SLC8A1: variants seen among roughly 807,000 people sequenced by gnomAD.
SLC8A1 encodes the protein solute carrier family 8 member A1, also known as sodium/calcium exchanger 1.
A neutral mutation model predicts 68.3 loss-of-function variants in SLC8A1; 18 were observed. The ratio of observed to expected loss-of-function variants is 0.26; its 90% CI spans 0.18 to 0.39. The LOEUF is 0.39. SLC8A1 is among the 10% of genes least tolerant of loss of function. SLC8A1 has a pLI of 1.00. For missense variants in SLC8A1, 985 were observed against 1,156.7 expected, an observed-to-expected ratio of 0.85 and a Z score of 2.15; for synonymous variants, 475 against 415.5, an observed-to-expected ratio of 1.14 and a Z score of -1.74.
intron 1 of SLC8A1, among the ~76,000 whole-genome samples, chr2:40,460,520 A>G (rs1042106173): frequency 6.6e-6 from 1 of 151,062 alleles, no homozygotes; most frequent in Non-Finnish European, 1.5e-5. Flanking sequence ...TGAATTAGAC[A>G]CTCTCCATGG....
At chr2:40,477,552 G>A (rs754398397) in intron 1 of SLC8A1, among the ~76,000 whole-genome samples, 5 of 152,136 alleles carry the variant, frequency 3.3e-5, no homozygotes, top group Admixed American at 2.0e-4. Context: ...GATGTTTTGC[G>A]GAAGGAAGAC....
At chr2:40,407,184 G>C (rs983800664) in intron 2 of SLC8A1, among the ~76,000 whole-genome samples, 2 of 152,136 alleles carry the variant, frequency 1.3e-5, no homozygotes, top group Admixed American at 1.3e-4. Flanking sequence ...CTCCTGCTCA[G>C]CCTCCTGAGT....
intron 2 of SLC8A1, among the ~76,000 whole-genome samples, chr2:40,331,563 T>A (rs2076410126): frequency 6.6e-6 from 1 of 152,110 alleles, no homozygotes; most frequent in Non-Finnish European, 1.5e-5. Flanking sequence ...TATTTTTCAT[T>A]AGGGTGGCTT....
chr2:40,470,137 G>A (rs1237712775), intron 1 of SLC8A1, among the ~76,000 whole-genome samples: 2 of 151,862 alleles, frequency 1.3e-5, no homozygotes, highest in Non-Finnish European at 1.5e-5. Flanking sequence ...ATTTTCTCTG[G>A]AACTAATCCA....
intron 2 of SLC8A1, among the ~76,000 whole-genome samples, chr2:40,391,755 C>A (rs190872073): frequency 3.9e-5 from 6 of 151,994 alleles, no homozygotes; most frequent in East Asian, 3.9e-4. Context: ...AAACCAAATA[C>A]CTTCACGTGT....
At chr2:40,293,327 A>G (rs2069685693) in intron 2 of SLC8A1, among the ~76,000 whole-genome samples, 1 of 152,214 alleles carries the variant, frequency 6.6e-6, no homozygotes, top group African/African-American at 2.4e-5. Flanking sequence ...TTGTCATATT[A>G]AAGAATTTTA....
chr2:40,412,280 T>C (rs1424072069), intron 2 of SLC8A1, among the ~76,000 whole-genome samples: 1 of 152,140 alleles, frequency 6.6e-6, no homozygotes, highest in East Asian at 1.9e-4. Flanking sequence ...TGATGGTGTA[T>C]TAAGTGTACT....
chr2:40,367,199 A>C (rs1016033659), intron 2 of SLC8A1, among the ~76,000 whole-genome samples: 1 of 151,994 alleles, frequency 6.6e-6, no homozygotes, highest in African/African-American at 2.4e-5. Context: ...ACTCTTGCTT[A>C]ATCAGGCAGA....
At chr2:40,261,457 G>A (rs1186365667) in intron 2 of SLC8A1, among the ~76,000 whole-genome samples, 3 of 152,212 alleles carry the variant, frequency 2.0e-5, no homozygotes, top group South Asian at 2.1e-4. Context: ...TTCTACTGAG[G>A]TTGAAAATCT....
intron 2 of SLC8A1, among the ~76,000 whole-genome samples, chr2:40,332,314 G>C (rs2076496277): frequency 6.6e-6 from 1 of 151,788 alleles, no homozygotes; most frequent in Admixed American, 6.6e-5. Flanking sequence ...TTCATTAAGT[G>C]GCTTTGAACT....
At chr2:40,350,409 A>C (rs1196251773) in intron 2 of SLC8A1, among the ~76,000 whole-genome samples, 1 of 152,012 alleles carries the variant, frequency 6.6e-6, no homozygotes, top group African/African-American at 2.4e-5. Flanking sequence ...TGAGCACAGA[A>C]GGTTGACGCT....
intron 2 of SLC8A1, among the ~76,000 whole-genome samples, chr2:40,295,554 C>T (rs911057456): frequency 1.3e-5 from 2 of 152,000 alleles, no homozygotes; most frequent in Non-Finnish European, 2.9e-5. Flanking sequence ...TCCTGAAATT[C>T]ATTTTACTTA....
intron 2 of SLC8A1, among the ~76,000 whole-genome samples, chr2:40,415,829 C>A (rs1480827216): frequency 6.7e-6 from 1 of 148,874 alleles, no homozygotes; most frequent in Non-Finnish European, 1.5e-5. Flanking sequence ...GGGTGGCCAA[C>A]ATGGTGAAAC....
intron 5 of SLC8A1, among the ~76,000 whole-genome samples, chr2:40,162,849 A>G (rs566732387): frequency 1.8e-3 from 267 of 152,292 alleles, no homozygotes; most frequent in Non-Finnish European, 3.1e-3. Context: ...ACCATAGTAA[A>G]TAAGAACTCA....
At chr2:40,108,162 A>G (rs1355794468) in exon 8 of SLC8A1, 3 of 152,222 alleles carry the variant, frequency 2.0e-5, no homozygotes, top group African/African-American at 7.2e-5. Context: ...GTGAAGTTGT[A>G]AAATTTAGAA....
intron 2 of SLC8A1, among the ~76,000 whole-genome samples, chr2:40,331,948 A>G (rs1312811789): frequency 6.6e-6 from 1 of 151,754 alleles, no homozygotes; most frequent in Non-Finnish European, 1.5e-5. Context: ...CCATGTATTT[A>G]TTTATTTTCA....
chr2:40,414,267 C>T (rs1432556366), intron 2 of SLC8A1, among the ~76,000 whole-genome samples: 1 of 152,150 alleles, frequency 6.6e-6, no homozygotes, highest in African/African-American at 2.4e-5. Context: ...TGTTGAGATT[C>T]TGGCCACAAA....
rs118090503 is a variant in SLC8A1, at chr2:40,258,430, T to C, written c.1809-80575A>G. ...CAGATTGGTCCTAAAGCTTGAAATA[T>C]GATCTCCTGCACCAAGGCTCCTACC... is the stretch of plus-strand genomic sequence containing the variant. On this transcript the variant is annotated intron_variant, in intron 2 of 7. Coordinates refer to ENST00000406785, the Ensembl canonical transcript of SLC8A1. 1.1e-4 allele frequency among the ~76,000 whole-genome samples: 17 copies of C among 152,338 alleles called. No individual in the cohort carries two copies. In the East Asian group the frequency reaches 3.1e-3, roughly 28 times the overall value.
intron 1 of SLC8A1, among the ~76,000 whole-genome samples, chr2:40,470,118 A>G (rs1048292598): frequency 1.3e-5 from 2 of 151,850 alleles, no homozygotes; most frequent in African/African-American, 4.8e-5. Context: ...TTTTCTGCAT[A>G]CTCTTCTTAT....
Sources: allele counts gnomAD v4.1 joint callset (sites outside exome capture counted in the v4.1 genomes callset), GRCh38; gene constraint gnomAD v4.1.1; transcripts MANE v1.5; gene names NCBI Gene and HGNC (gene_info 2026-07-23, HGNC 2026-07-21).